LGI2: variants seen among roughly 807,000 people sequenced by gnomAD.
LGI2 encodes leucine rich repeat LGI family member 2.
LGI2 carries 30 observed loss-of-function variants against 52.0 expected under a neutral mutation model. The observed-to-expected ratio is 0.58, with a 90% CI of 0.43 to 0.78. The LOEUF is 0.78. Among genes scored for constraint, LGI2 ranks in the 30% least tolerant of loss-of-function variants. The pLI, the probability that LGI2 is intolerant of heterozygous loss-of-function variation, is 0.00. For synonymous variants in LGI2, 270 were observed against 271.8 expected (o/e 0.99, Z 0.06); for missense variants, 573 against 692.5 (o/e 0.83, Z 1.94).
chr4:25,018,332 T>C (rs1260399345), intron 5 of LGI2, among the ~76,000 whole-genome samples, 174 bp from the exon 6 acceptor site: 1 of 152,226 alleles, frequency 6.6e-6, no homozygotes, highest in Non-Finnish European at 1.5e-5. Context: ...TATCTATCAT[T>C]GACTTTATTT....
chr4:24,993,947 C>A (rs1724975103), downstream of LGI2, among the ~76,000 whole-genome samples: 1 of 152,120 alleles, frequency 6.6e-6, no homozygotes, highest in South Asian at 2.1e-4. Flanking sequence ...AGCAGATACT[C>A]CACTTTGCTG....
chr4:25,024,800 A>G lies in LGI2; in HGVS notation c.413+20T>C. The G allele has an allele frequency of 6.4e-7, 1 of 1,557,308 alleles. No homozygotes were observed. The highest frequency in any genetic ancestry group is 1.4e-5 in the African/African-American group (1 of 72,748). On this transcript the variant is annotated intron_variant, in intron 4 of 7. Transcript: ENST00000382114. ...TACTCCACATATTAGAGGACTTACA[A>G]TACTTTTCATAGGACTTACAGGTGA...
At position 24,999,617 on chromosome 4, in the gene LGI2, T is replaced by A; in HGVS notation, c.*3834A>T. The A allele has an allele frequency of 6.3e-6, 2 of 318,860 alleles. No individual in the cohort carries two copies. The highest frequency in any genetic ancestry group is 5.0e-5 in the South Asian group (2 of 40,062). The allele number at this position is 318,860 out of a possible 1,614,324, so 19.8% of individuals were successfully genotyped here. A position where few individuals can be genotyped will look rare whatever the true frequency, so the allele number is the denominator to read the frequency against. ...ATCAGGAAGCCAGCTTAAGAGGTTT[T>A]CTTTAGGTGGCATGCAAATAGACTC... On this transcript the variant is annotated 3_prime_UTR_variant, in exon 8 of 8. Coordinates refer to ENST00000382114, the MANE Select transcript of LGI2 (RefSeq NM_018176.4).
At chr4:25,018,286 T>C (rs1291933140) in intron 5 of LGI2, 128 bp from the exon 6 acceptor site, 180 of 623,766 alleles carry the variant, frequency 2.9e-4, no homozygotes, top group Non-Finnish European at 2.1e-4. Flanking sequence ...AAAATGGAGT[T>C]TAAAAACTTT....
rs1448829403 is a variant in LGI2 at position 25,004,719 on chromosome 4, T to C, written c.821-451A>G. 6.6e-6 allele frequency among the ~76,000 whole-genome samples: 1 copy of C among 152,120 alleles called. No homozygotes were observed. Among genetic ancestry groups the C allele is most frequent in the African/African-American group, 2.4e-5 (1 of 41,400 alleles). On this transcript the variant is annotated intron_variant, in intron 7 of 7. Transcript: ENST00000382114. The surrounding 1 kb of genome is among the most constrained non-coding windows in gnomAD (Gnocchi z 4.6). ...AGCTATGCAGTGGGTTCTTGCCACA[T>C]ACCAAATCTGCCAATGTCTTGATCT...
chr4:25,012,310 A>G (rs372284669), intron 7 of LGI2, 25 bp downstream of exon 7: 3 of 1,612,626 alleles, frequency 1.9e-6, no homozygotes, highest in Non-Finnish European at 2.5e-6. Context: ...TTAGTTCAAC[A>G]CATCTGATCA....
chr4:25,019,169 TTCAA>T lies in LGI2; in HGVS notation c.479_482del (p.Ile160AsnfsTer2). Reference sequence around the variant, plus strand: ...ATAAACTAAATTTCATTACTTACAGTTCAATCAGAGAGTCTAAATCACTGAAGAC... The same window carrying T: ...ATAAACTAAATTTCATTACTTACAGTTCAGAGAGTCTAAATCACTGAAGAC... On this transcript the variant is annotated frameshift_variant, in exon 5 of 8. Coordinates refer to ENST00000382114, the MANE Select transcript of LGI2 (RefSeq NM_018176.4). LOFTEE classifies it high-confidence loss of function. 1 of 1,587,958 alleles carries T rather than the reference TTCAA, an allele frequency of 6.3e-7. No individual in the cohort carries two copies. Among genetic ancestry groups the T allele is most frequent in the Non-Finnish European group, 8.6e-7 (1 of 1,158,720 alleles).
At chr4:25,025,984 T>C (rs145755148) in intron 3 of LGI2, among the ~76,000 whole-genome samples, 244 of 152,324 alleles carry the variant, frequency 1.6e-3, no homozygotes, top group African/African-American at 5.5e-3. Flanking sequence ...TTCCATACTA[T>C]GTATATGATA....
In LGI2 at chr4:25,017,994, G is replaced by A; in HGVS notation, c.650C>T (p.Thr217Ile). ...ATGAGATAGGCTCTGAATACCTGTA[G>A]TTGTGCATTCATAGTCAAAGCTGGT... ...DVTSFDYECT[T>I]TDFVVHQTLP... Residue 217 changes from threonine (T) to isoleucine (I), a missense_variant, in exon 6 of 8, where the codon ACT (threonine) becomes ATT (isoleucine). Thr to Ile is a moderately conservative substitution (Grantham distance 89). Coordinates refer to ENST00000382114, the MANE Select transcript of LGI2 (RefSeq NM_018176.4). The A allele has an allele frequency of 5.6e-6, 9 of 1,609,276 alleles. No individual in the cohort carries two copies. The highest frequency in any genetic ancestry group is 7.6e-6 in the Non-Finnish European group (9 of 1,178,490).
chr4:25,019,508 C>T (rs913083802), intron 4 of LGI2, among the ~76,000 whole-genome samples: 2 of 152,048 alleles, frequency 1.3e-5, no homozygotes, highest in African/African-American at 4.8e-5. Flanking sequence ...GGAATCAAAG[C>T]CAAAGTTCCT....
intron 1 of LGI2, among the ~76,000 whole-genome samples, chr4:25,029,396 C>T (rs764214972): frequency 2.6e-5 from 4 of 152,232 alleles, no homozygotes; most frequent in Non-Finnish European, 4.4e-5. Flanking sequence ...CCCCTCACTC[C>T]TGGGTCCAGG....
In LGI2 at chr4:25,004,171, G is replaced by A. The variant is rs560726501; in HGVS notation, c.918C>T (p.Asp306=). The A allele has an allele frequency of 6.1e-5, 99 of 1,613,996 alleles. No individual in the cohort carries two copies. Among genetic ancestry groups the A allele is most frequent in the Admixed American group, 1.0e-4 (6 of 59,992 alleles). The change falls in exon 8 of 8, where the codon GAC becomes GAT. Residue 306 remains aspartate, a synonymous_variant. Coordinates refer to ENST00000382114, the MANE Select transcript of LGI2 (RefSeq NM_018176.4). This position sits in a 1 kb window ranked among gnomAD's most constrained non-coding sequence, Gnocchi z 4.6. ...ATTTGACAAATTTGGTCCAACTCTC[G>A]TCGTATTTGTAAATGTGAGAGCCAC... is the stretch of plus-strand genomic sequence containing the variant. ...LFGGSHIYKY[D]ESWTKFVKFQ... is the part of the protein sequence containing the mutation.
At chr4:25,009,704 T>C (rs1238572170) in intron 7 of LGI2, among the ~76,000 whole-genome samples, 2 of 152,024 alleles carry the variant, frequency 1.3e-5, no homozygotes, top group Non-Finnish European at 2.9e-5. Context: ...GGCACGATCT[T>C]GGCTCACTGC....
chr4:25,009,449 A>G (rs981237046), intron 7 of LGI2, among the ~76,000 whole-genome samples: 30 of 151,904 alleles, frequency 2.0e-4, no homozygotes, highest in African/African-American at 7.3e-4. Flanking sequence ...AAGCCTTCAA[A>G]TCTTCCCACA....
At chr4:25,021,775 C>CA (rs1156801678) in intron 4 of LGI2, among the ~76,000 whole-genome samples, 1 of 151,754 alleles carries the variant, frequency 6.6e-6, no homozygotes, top group Non-Finnish European at 1.5e-5. Context: ...ACTAAAAATA[C>CA]AAAAAATTAG....
rs761618377 is a variant in LGI2 at position 25,004,252 on chromosome 4, G to A, written c.837C>T (p.Gly279=). 11 of 1,613,260 alleles carry A rather than the reference G, an allele frequency of 6.8e-6. No individual in the cohort carries two copies. The highest frequency in any genetic ancestry group is 8.5e-6 in the Non-Finnish European group (10 of 1,179,786). ...GATCATCGATGAGAATGGCCTTACA[G>A]CCCACGATGGACTGACCTGTGCTCC... ...YDNITGQSIV[G]CKAILIDDQV... is the part of the protein sequence containing the mutation. Residue 279 remains glycine, a synonymous_variant, in exon 8 of 8, where the codon GGC becomes GGT. Coordinates refer to ENST00000382114, the MANE Select transcript of LGI2 (RefSeq NM_018176.4). The surrounding 1 kb of genome is among the most constrained non-coding windows in gnomAD (Gnocchi z 4.6).
In LGI2 at chr4:25,012,569, G is replaced by A. The variant is rs6826019; in HGVS notation, c.656-70C>T. 867 of 1,509,578 alleles carry A rather than the reference G, an allele frequency of 5.7e-4. 1 individual carries two copies. The highest frequency in any genetic ancestry group is 6.7e-4 in the Non-Finnish European group (731 of 1,098,856). 93.5% of individuals were successfully genotyped at this position (1,509,578 alleles called of 1,614,324 possible). A position where few individuals can be genotyped will look rare whatever the true frequency, so the allele number is the denominator to read the frequency against. On this transcript the variant is annotated intron_variant, in intron 6 of 7. Transcript: ENST00000382114. ...GTAGGGATTATCAACCACCATCACC[G>A]TTCCATCATCACATCAGCTCTGAAA...
At chr4:24,998,631 A>G (rs17478818), downstream of LGI2, among the ~76,000 whole-genome samples, 18,964 of 152,170 alleles carry the variant, frequency 0.12, 1,271 homozygotes, top group South Asian at 0.26. Flanking sequence ...GGCAGAGTGT[A>G]ACCATGAAGC....
rs1039045897 is a variant in LGI2, at chr4:25,000,829, A to G, written c.*2622T>C. On this transcript the variant is annotated 3_prime_UTR_variant, in exon 8 of 8. Coordinates refer to ENST00000382114, the MANE Select transcript of LGI2 (RefSeq NM_018176.4). ...TTGCTTGGTTGGTTTTTTGTTTTAC[A>G]TTATTACTGGAAGAATGCTTCTTGC... The G allele has an allele frequency of 6.6e-6, 1 of 152,190 alleles. No individual in the cohort carries two copies. The highest frequency in any genetic ancestry group is 1.5e-5 in the Non-Finnish European group (1 of 68,036). The allele number at this position is 152,190 out of a possible 1,614,324, so 9.4% of individuals were successfully genotyped here.
Sources: gnomAD v4.1 joint callset for allele counts (sites outside exome capture counted in the v4.1 genomes callset) on GRCh38, gnomAD v4.1.1 for gene constraint, Gnocchi (gnomAD v3.1) non-coding constraint, MANE v1.5 for transcripts, NCBI Gene and HGNC (gene_info 2026-07-23, HGNC 2026-07-21) for gene names.